Variants in MAP2 observed in about 807,000 individuals in gnomAD.
The protein encoded by MAP2 is microtubule-associated protein 2.
A neutral mutation model predicts 137.6 loss-of-function variants in MAP2; 14 were observed. The ratio of observed to expected loss-of-function variants is 0.10; its 90% CI spans 0.07 to 0.16. The LOEUF is 0.16. Ranked by LOEUF, MAP2 falls within the 10% of genes least tolerant of loss-of-function variation. The pLI is 1.00. For synonymous variants in MAP2, 786 were observed against 782.3 expected, an observed-to-expected ratio of 1.00 and a Z score of -0.08; for missense variants, 2,088 against 2,191.5, an observed-to-expected ratio of 0.95 and a Z score of 0.94.
chr2:209,592,409 A>T (rs941330590), intron 3 of MAP2, among the ~76,000 whole-genome samples: 1 of 152,036 alleles, frequency 6.6e-6, no homozygotes, highest in Non-Finnish European at 1.5e-5. Context: ...CTTCTATCTC[A>T]TGTTATCTTT....
At chr2:209,678,179 C>T (rs1016394388) in intron 5 of MAP2, among the ~76,000 whole-genome samples, 3 of 151,718 alleles carry the variant, frequency 2.0e-5, no homozygotes, top group Non-Finnish European at 4.4e-5. Flanking sequence ...AATAAAGTAC[C>T]AATTACCTTC....
intron 3 of MAP2, among the ~76,000 whole-genome samples, chr2:209,598,507 T>TA (rs2082013121): frequency 6.6e-6 from 1 of 151,292 alleles, no homozygotes; most frequent in Admixed American, 6.6e-5. Flanking sequence ...TGCAGGTTAG[T>TA]TACATATGTA....
chr2:209,477,953 G>A (rs1250441456), intron 1 of MAP2, among the ~76,000 whole-genome samples: 4 of 152,024 alleles, frequency 2.6e-5, no homozygotes, highest in Non-Finnish European at 4.4e-5. Context: ...GCAGTGAGCT[G>A]TGATAGGGCT....
chr2:209,469,872 C>T (rs1207294333), intron 1 of MAP2, among the ~76,000 whole-genome samples: 5 of 152,212 alleles, frequency 3.3e-5, no homozygotes, highest in African/African-American at 1.2e-4. Flanking sequence ...AGAATTATTT[C>T]AACTTGATGC....
At chr2:209,570,925 C>T (rs937240114) in intron 2 of MAP2, among the ~76,000 whole-genome samples, 8 of 151,856 alleles carry the variant, frequency 5.3e-5, no homozygotes, top group African/African-American at 1.9e-4. Flanking sequence ...AGGGCTGCTT[C>T]ACACAAATAC....
At chr2:209,681,921 G>A (rs13423127) in intron 7 of MAP2, among the ~76,000 whole-genome samples, 2 of 151,572 alleles carry the variant, frequency 1.3e-5, no homozygotes, top group Non-Finnish European at 1.5e-5. Flanking sequence ...TTTTAGCAAG[G>A]TTTTTCTTTC....
rs1378935351 is a variant in MAP2 at position 209,690,653 on chromosome 2, C to T, written c.455-1972C>T. On this transcript the variant is annotated intron_variant, in intron 7 of 15. Transcript: ENST00000682079. ...GGCTGAGGAAGAGAAACCTGCTGCT[C>T]TTCCTGAGAAAGAGTGTGGGGCTGC... is the stretch of plus-strand genomic sequence containing the variant. 3.1e-6 allele frequency: 4 copies of T among 1,289,400 alleles called. No homozygotes were observed. In the East Asian group the frequency reaches 1.7e-4, roughly 54 times the overall value. 79.9% of individuals were successfully genotyped at this position (1,289,400 alleles called of 1,614,324 possible). A position where few individuals can be genotyped will look rare whatever the true frequency, so the allele number is the denominator to read the frequency against.
chr2:209,709,422 C>G (rs902450689), intron 12 of MAP2, among the ~76,000 whole-genome samples: 3 of 152,138 alleles, frequency 2.0e-5, no homozygotes, highest in Non-Finnish European at 4.4e-5. Flanking sequence ...TCTTTCTATA[C>G]AGGCCAAAAC....
At chr2:209,427,598 T>C (rs143504889) in intron 1 of MAP2, among the ~76,000 whole-genome samples, 1 of 152,338 alleles carries the variant, frequency 6.6e-6, no homozygotes, top group African/African-American at 2.4e-5. Context: ...TCTCTAGCTA[T>C]TTTGGTTTCA....
intron 14 of MAP2, among the ~76,000 whole-genome samples, chr2:209,726,785 T>C (rs530730446): frequency 1.3e-5 from 2 of 152,212 alleles, no homozygotes; most frequent in African/African-American, 2.4e-5. Flanking sequence ...TCTGCCTCCA[T>C]AGATATGTAA....
At chr2:209,490,605 CAAAAAAAAAAAAA>C (rs59133937) in intron 1 of MAP2, among the ~76,000 whole-genome samples, 6 of 5,560 alleles carry the variant, frequency 1.1e-3, no homozygotes, top group African/African-American at 2.2e-3. Flanking sequence ...AAATGGAAAG[CAAAAAAAAAAAAA>C]AAAAAAAAAA....
chr2:209,512,223 T>A (rs868098205), intron 2 of MAP2, among the ~76,000 whole-genome samples: 23 of 152,244 alleles, frequency 1.5e-4, no homozygotes, highest in Middle Eastern at 3.4e-3. Context: ...TGCTAATTAC[T>A]TTGATTATTA....
chr2:209,689,453 A>G (rs568948668), intron 7 of MAP2, among the ~76,000 whole-genome samples: 81 of 152,270 alleles, frequency 5.3e-4, no homozygotes, highest in African/African-American at 1.9e-3. Flanking sequence ...AGAATCTTCC[A>G]TTTACAAAAC....
intron 13 of MAP2, among the ~76,000 whole-genome samples, chr2:209,716,876 C>A (rs985917021): frequency 6.6e-6 from 1 of 152,070 alleles, no homozygotes; most frequent in Non-Finnish European, 1.5e-5. Flanking sequence ...AGTAGTTATG[C>A]ATTACAGTTC....
rs746074088 is a variant in MAP2, at chr2:209,696,102, T to G, written c.3932T>G (p.Phe1311Cys). The G allele has an allele frequency of 2.5e-6, 4 of 1,613,968 alleles. No homozygotes were observed. The highest frequency in any genetic ancestry group is 3.4e-6 in the Non-Finnish European group (4 of 1,179,940). ...GAGTCAGGGTCCCACAGCGTGCGTT[T>G]TGCAGCCCTAGAGCAGCCTGAGGTG... is the stretch of plus-strand genomic sequence containing the variant. The part of the protein sequence containing the change: ...EGESGSHSVR[F>C]AALEQPEVER... The change falls in exon 8 of 16, where the codon TTT (phenylalanine) becomes TGT (cysteine). Residue 1311 changes from phenylalanine (F) to cysteine (C), a missense_variant. By Grantham distance (205) the Phe-to-Cys change is radical. Around this residue, in one of 6 missense-constraint regions of MAP2, gnomAD observed 591 missense variants for 642.6 expected, o/e 0.92. Transcript: ENST00000682079.
rs2063019522 is a variant in MAP2, at chr2:209,519,826, A to G, written c.-172+12185A>G. 2.6e-5 allele frequency among the ~76,000 whole-genome samples: 4 copies of G among 152,050 alleles called. 1 individual carries two copies. In the South Asian group the frequency reaches 8.3e-4, roughly 31 times the overall value. ...TAAAACAAATAACAAATAGGCCTTA[A>G]AATGGAAAGATTGAAGTAAGATGAT... On this transcript the variant is annotated intron_variant, in intron 2 of 15. Transcript: ENST00000682079.
At chr2:209,682,305 A>G (rs530004977) in intron 7 of MAP2, among the ~76,000 whole-genome samples, 8 of 152,290 alleles carry the variant, frequency 5.3e-5, no homozygotes, top group African/African-American at 1.9e-4. Context: ...AGCCTGGCCA[A>G]CATGGTGAAA....
intron 2 of MAP2, among the ~76,000 whole-genome samples, chr2:209,518,853 C>G (rs2062886348): frequency 6.6e-6 from 1 of 152,030 alleles, no homozygotes; most frequent in African/African-American, 2.4e-5. Flanking sequence ...AACTCACCCT[C>G]TTGATGTCTG....
intron 7 of MAP2, among the ~76,000 whole-genome samples, chr2:209,689,820 G>T (rs1477893579): frequency 6.6e-6 from 1 of 152,092 alleles, no homozygotes; most frequent in Admixed American, 6.6e-5. Context: ...TAATAGTTGT[G>T]TCCCAGAGGT....
Sources: gnomAD v4.1 joint callset for allele counts (sites outside exome capture counted in the v4.1 genomes callset) on GRCh38, gnomAD v4.1.1 for gene constraint, gnomAD v4.1.1 regional missense constraint, MANE v1.5 for transcripts, NCBI Gene and HGNC (gene_info 2026-07-23, HGNC 2026-07-21) for gene names.